Variants in SHROOM4 observed in about 807,000 individuals in gnomAD.
SHROOM4 encodes the protein shroom family member 4.
Under a neutral mutation model 80.3 loss-of-function variants are expected in SHROOM4, and 17 were observed. That is an observed-to-expected ratio of 0.21 (90% CI 0.14 to 0.32). The LOEUF (loss-of-function observed/expected upper bound fraction) is 0.32. Ranked by LOEUF, SHROOM4 falls within the 10% of genes least tolerant of loss-of-function variation. The probability of loss-of-function intolerance (pLI) is 1.00; values close to 1 mark genes in which losing one functional copy is unlikely to be tolerated. For missense variants in SHROOM4, 993 were observed against 1,140.3 expected (o/e 0.87, Z 1.86); for synonymous variants, 400 against 437.5 (o/e 0.91, Z 1.07).
At chrX:50,795,473 T>C (rs1293486775) in intron 1 of SHROOM4, among the ~76,000 whole-genome samples, 2 of 109,844 alleles carry the variant, frequency 1.8e-5, no homozygotes, top group Non-Finnish European at 3.8e-5. Flanking sequence ...GCATATCCCA[T>C]GAAGTATATA....
chrX:50,781,188 T>C (rs73483783), intron 1 of SHROOM4, among the ~76,000 whole-genome samples: 10,450 of 111,075 alleles, frequency 0.094, 914 homozygotes, highest in African/African-American at 0.28. Context: ...GTGATCTTCT[T>C]TATTCAGTCT....
intron 1 of SHROOM4, among the ~76,000 whole-genome samples, chrX:50,811,381 T>G (rs1240452221): frequency 9.1e-6 from 1 of 109,788 alleles, no homozygotes; most frequent in Non-Finnish European, 1.9e-5. Context: ...GAATGTCATT[T>G]TAGATATGGG....
chrX:50,630,946 G>A (rs782469935), intron 4 of SHROOM4, among the ~76,000 whole-genome samples: 27 of 111,702 alleles, frequency 2.4e-4, no homozygotes, highest in Non-Finnish European at 4.1e-4. Context: ...TGGCTTCAGT[G>A]ATGAATTCAA....
Position 50,695,892 on chromosome X carries a change from C to T in SHROOM4, c.163G>A (p.Gly55Ser). ...KAALSQKMRTGDELVNINGTP... is the reference protein window; with the variant it reads ...KAALSQKMRTSDELVNINGTP... ...CCATTGATATTCACCAGCTCATCAC[C>T]AGTCCTCATCTTCTGGGACAAAGCT... Residue 55 changes from glycine (G) to serine (S), a missense_variant, in exon 2 of 9, where the codon GGT becomes AGT. Coordinates refer to ENST00000376020, the MANE Select transcript of SHROOM4 (RefSeq NM_020717.5). 8.3e-7 allele frequency: 1 copy of T among 1,211,829 alleles called. No homozygotes were observed. The highest frequency in any genetic ancestry group is 1.1e-6 in the Non-Finnish European group (1 of 895,421).
chrX:50,590,939 A>T lies in SHROOM4; in HGVS notation c.*5756T>A, dbSNP rs1471452260. ...GTATATTTTTAGCACAAAAGTTTTTAATTTTGATTTACTCCAATTTATTTC... is the reference window on the plus strand; with the variant it reads ...GTATATTTTTAGCACAAAAGTTTTTTATTTTGATTTACTCCAATTTATTTC... On this transcript the variant is annotated 3_prime_UTR_variant, in exon 9 of 9. Coordinates refer to ENST00000376020, the MANE Select transcript of SHROOM4 (RefSeq NM_020717.5). Among the ~76,000 whole-genome samples the T allele has an allele frequency of 9.0e-6, 1 of 111,675 alleles. No homozygotes were observed. The highest frequency in any genetic ancestry group is 3.3e-5 in the African/African-American group (1 of 30,723).
At chrX:50,728,463 A>C (rs958522101) in intron 1 of SHROOM4, among the ~76,000 whole-genome samples, 4 of 112,436 alleles carry the variant, frequency 3.6e-5, no homozygotes, top group African/African-American at 6.5e-5. Context: ...GGCTACACCT[A>C]ATCAGAAGCA....
chrX:50,798,516 G>A (rs933959505), intron 1 of SHROOM4, among the ~76,000 whole-genome samples: 2 of 111,227 alleles, frequency 1.8e-5, no homozygotes, highest in Admixed American at 1.9e-4. Context: ...ACACAGAAAG[G>A]GGCTTTGGGG....
chrX:50,695,916 C>T lies in SHROOM4; in HGVS notation c.139G>A (p.Ala47Thr). Residue 47 changes from alanine to threonine, a missense_variant, in exon 2 of 9, where the codon GCT becomes ACT. Transcript: ENST00000376020. Reference sequence around the variant, plus strand: ...CCAGTCCTCATCTTCTGGGACAAAGCTGCCTTGCCTCCATCTTCAATCTGT... The same window carrying T: ...CCAGTCCTCATCTTCTGGGACAAAGTTGCCTTGCCTCCATCTTCAATCTGT... The part of the protein sequence containing the change: ...VSKIEDGGKA[A>T]LSQKMRTGDE... The T allele has an allele frequency of 8.3e-7, 1 of 1,211,857 alleles. No individual in the cohort carries two copies.
intron 1 of SHROOM4, among the ~76,000 whole-genome samples, chrX:50,781,635 A>T (rs1420421703): frequency 3.6e-5 from 4 of 111,078 alleles, no homozygotes; most frequent in Non-Finnish European, 5.7e-5. Context: ...GGAAAGAGAT[A>T]TGAAAGTCAC....
In SHROOM4 at chrX:50,607,727, CT is replaced by C. The variant is rs782082338; in HGVS notation, c.3414del (p.Glu1139LysfsTer42). The C allele has an allele frequency of 1.3e-5, 15 of 1,171,625 alleles. No individual in the cohort carries two copies. The highest frequency in any genetic ancestry group is 2.4e-4 in the Middle Eastern group (1 of 4,126). ...TCTTCCTCTTCCTCTTCTTCTTCTT[CT>C]TCCTCCTCCTCCTCCTCCTCCTGTT... ...QKQQEEEEEE[E>X]EEEEEEEEEE... is the part of the protein sequence containing the mutation. On this transcript the variant is annotated frameshift_variant, in exon 6 of 9. Coordinates refer to ENST00000376020, the MANE Select transcript of SHROOM4 (RefSeq NM_020717.5). LOFTEE classifies it high-confidence loss of function.
chrX:50,655,637 C>G (rs782218165), intron 2 of SHROOM4, among the ~76,000 whole-genome samples: 1 of 107,369 alleles, frequency 9.3e-6, no homozygotes, highest in South Asian at 4.0e-4. Flanking sequence ...ATTCTTTATT[C>G]ATTCATTTAT....
At chrX:50,741,883 C>T (rs944011368) in intron 1 of SHROOM4, among the ~76,000 whole-genome samples, 1 of 110,894 alleles carries the variant, frequency 9.0e-6, no homozygotes, top group Non-Finnish European at 1.9e-5. Context: ...TAATGTGTTA[C>T]ATTTATTAAT....
chrX:50,649,837 T>C (rs1260616543), intron 2 of SHROOM4: 2 of 112,639 alleles, frequency 1.8e-5, no homozygotes, highest in African/African-American at 6.5e-5. Context: ...ATGTGAATTA[T>C]ATTTAAGAAA....
At position 50,646,527 on chromosome X, in the gene SHROOM4, A is replaced by AGTGTGTGTGT. The variant is rs782016561; in HGVS notation, c.270-8229_270-8220dup. ...TTATAGACCCAACCAAGGGGGGAAG[A>AGTGTGTGTGT]GTGTGTGTGTGTGTGTGTGTGTGTG... is the stretch of plus-strand genomic sequence containing the variant. On this transcript the variant is annotated intron_variant, in intron 2 of 8. Transcript: ENST00000376020. 1.9e-3 allele frequency among the ~76,000 whole-genome samples: 150 copies of AGTGTGTGTGT among 78,771 alleles called. 2 individuals are homozygous for AGTGTGTGTGT. The highest frequency in any genetic ancestry group is 2.7e-3 in the Non-Finnish European group (111 of 40,547). The allele number at this position is 78,771 out of a possible 115,157, so 68.4% of individuals were successfully genotyped here.
At chrX:50,646,326 C>T (rs1931835302) in intron 2 of SHROOM4, among the ~76,000 whole-genome samples, 1 of 111,115 alleles carries the variant, frequency 9.0e-6, no homozygotes, top group African/African-American at 3.3e-5. Flanking sequence ...GCAGGCTCAG[C>T]AGGAAGGGAA....
chrX:50,688,488 C>T (rs1557262439), intron 2 of SHROOM4, among the ~76,000 whole-genome samples: 1 of 111,316 alleles, frequency 9.0e-6, no homozygotes, highest in African/African-American at 3.3e-5. Flanking sequence ...AAGTTGAACA[C>T]CACATGTTCT....
At chrX:50,642,743 G>C (rs782508984) in intron 2 of SHROOM4, among the ~76,000 whole-genome samples, 1 of 112,152 alleles carries the variant, frequency 8.9e-6, no homozygotes, top group Non-Finnish European at 1.9e-5. Context: ...GGGATTACAG[G>C]CATGAGCCAC....
At chrX:50,637,637 G>T (rs1159230058) in intron 3 of SHROOM4, among the ~76,000 whole-genome samples, 1 of 112,561 alleles carries the variant, frequency 8.9e-6, no homozygotes, top group East Asian at 2.8e-4. Context: ...GAAGGGAAAA[G>T]GCAGTGAAGG....
Position 50,587,626 on chromosome X carries a change from T to A in SHROOM4, c.*9069A>T, listed in dbSNP as rs1157378368. 8.9e-6 allele frequency among the ~76,000 whole-genome samples: 1 copy of A among 112,323 alleles called. No homozygotes were observed. Among genetic ancestry groups the A allele is most frequent in the African/African-American group, 3.2e-5 (1 of 30,937 alleles). ...TTTCTGTATATAAAGTATTATGTAA[T>A]TGTATATTTATACTTATCTATCTCT... On this transcript the variant is annotated 3_prime_UTR_variant, in exon 9 of 9. Coordinates refer to ENST00000376020, the MANE Select transcript of SHROOM4 (RefSeq NM_020717.5).
Sources: gnomAD v4.1 joint callset for allele counts (sites outside exome capture counted in the v4.1 genomes callset) on GRCh38, gnomAD v4.1.1 for gene constraint, MANE v1.5 for transcripts, NCBI Gene and HGNC (gene_info 2026-07-23, HGNC 2026-07-21) for gene names.